Variants in GRIN2A observed in about 807,000 individuals in gnomAD.
The protein encoded by GRIN2A is glutamate ionotropic receptor NMDA type subunit 2A, also known as glutamate receptor ionotropic, NMDA 2A.
Under a neutral mutation model 113.4 loss-of-function variants are expected in GRIN2A, and 22 were observed. That is an observed-to-expected ratio of 0.19 (90% CI 0.14 to 0.28). The LOEUF (loss-of-function observed/expected upper bound fraction) is 0.28. Among genes scored for constraint, GRIN2A ranks in the 10% least tolerant of loss-of-function variants. The pLI, the probability that GRIN2A is intolerant of heterozygous loss-of-function variation, is 1.00. For synonymous variants in GRIN2A, 827 were observed against 738.4 expected (o/e 1.12, Z -1.94); for missense variants, 1,502 against 1,887.0 (o/e 0.80, Z 3.78).
chr16:9,833,118 G>T (rs2042525955), intron 8 of GRIN2A, among the ~76,000 whole-genome samples: 1 of 152,150 alleles, frequency 6.6e-6, no homozygotes, highest in African/African-American at 2.4e-5. Flanking sequence ...TTAGAAGGTA[G>T]TGCCCACTGA....
At chr16:9,807,507 C>CTAA (rs1185729852) in intron 10 of GRIN2A, among the ~76,000 whole-genome samples, 1 of 152,044 alleles carries the variant, frequency 6.6e-6, no homozygotes, top group Non-Finnish European at 1.5e-5. Context: ...CTATTGACTG[C>CTAA]TAATTTCAAA....
In GRIN2A at chr16:9,884,623, C is replaced by T. The variant is rs115828532; in HGVS notation, c.1122+6363G>A. ...ATGGTAACCAGAATTATTCTCAAAG[C>T]ATTTTTTTTCAGGTAGAATAAGTAG... On this transcript the variant is annotated intron_variant, in intron 4 of 12. Coordinates refer to ENST00000330684, the MANE Select transcript of GRIN2A (RefSeq NM_001134407.3). 4.8e-3 allele frequency among the ~76,000 whole-genome samples: 735 copies of T among 151,870 alleles called. 12 individuals carry two copies. The highest frequency in any genetic ancestry group is 0.017 in the African/African-American group (702 of 41,440).
intron 2 of GRIN2A, among the ~76,000 whole-genome samples, chr16:10,076,446 G>A (rs2047874475): frequency 6.6e-6 from 1 of 152,210 alleles, no homozygotes; most frequent in Admixed American, 6.5e-5. Context: ...GCTCAGCAGG[G>A]TTAGGGTCTG....
chr16:10,086,589 G>C (rs1212498072), intron 2 of GRIN2A, among the ~76,000 whole-genome samples: 1 of 145,902 alleles, frequency 6.9e-6, no homozygotes, highest in Non-Finnish European at 1.5e-5. Flanking sequence ...CACCATACCA[G>C]GGGGTGGAGC....
At chr16:9,988,556 C>T (rs1030288261) in intron 2 of GRIN2A, among the ~76,000 whole-genome samples, 2 of 151,966 alleles carry the variant, frequency 1.3e-5, no homozygotes, top group Middle Eastern at 3.2e-3. Flanking sequence ...CTCTCTCTCT[C>T]TCTCTCTAAC....
chr16:9,928,989 C>A (rs908685960), intron 3 of GRIN2A, among the ~76,000 whole-genome samples: 3 of 152,218 alleles, frequency 2.0e-5, no homozygotes, highest in African/African-American at 7.2e-5. Context: ...GCCCACCAGG[C>A]ATCAAAACAA....
In GRIN2A at chr16:9,823,237, T is replaced by C. The variant is rs117289592; in HGVS notation, c.2008-813A>G. The stretch of plus-strand genomic sequence containing the variant: ...TCGAATCAATAGAACTGGATCTGAG[T>C]TCCAGAAATACAGCTAAACACTAGA... On this transcript the variant is annotated intron_variant, in intron 9 of 12. Coordinates refer to ENST00000330684, the MANE Select transcript of GRIN2A (RefSeq NM_001134407.3). 1.3e-4 allele frequency among the ~76,000 whole-genome samples: 20 copies of C among 152,246 alleles called. No individual in the cohort carries two copies. In the East Asian group the frequency reaches 3.5e-3, roughly 27 times the overall value.
chr16:10,103,466 C>T (rs2048438308), intron 2 of GRIN2A, among the ~76,000 whole-genome samples: 1 of 152,234 alleles, frequency 6.6e-6, no homozygotes, highest in African/African-American at 2.4e-5. Flanking sequence ...CCACATATAA[C>T]TCTAACCATC....
At chr16:9,935,874 G>T (rs536357249) in intron 3 of GRIN2A, among the ~76,000 whole-genome samples, 74 of 151,972 alleles carry the variant, frequency 4.9e-4, no homozygotes, top group South Asian at 2.5e-3. Flanking sequence ...GCTAACATTT[G>T]TATTTTTAGT....
chr16:10,010,534 ATGT>A (rs1371855985), intron 2 of GRIN2A, among the ~76,000 whole-genome samples: 4 of 152,228 alleles, frequency 2.6e-5, no homozygotes, highest in Non-Finnish European at 5.9e-5. Flanking sequence ...ACCTGTAAAA[ATGT>A]TGTAAAATTA....
chr16:9,814,108 T>G (rs1167383609), intron 10 of GRIN2A, among the ~76,000 whole-genome samples: 5 of 152,232 alleles, frequency 3.3e-5, no homozygotes, highest in Non-Finnish European at 7.3e-5. Context: ...CTTTTGAGCA[T>G]AGAAATGATA....
intron 2 of GRIN2A, among the ~76,000 whole-genome samples, chr16:9,965,169 T>G (rs1351813673): frequency 6.6e-6 from 1 of 152,192 alleles, no homozygotes; most frequent in Admixed American, 6.5e-5. Context: ...CTAAATACTA[T>G]CAGTTGCATA....
At chr16:9,946,554 C>A (rs2045021999) in intron 2 of GRIN2A, among the ~76,000 whole-genome samples, 1 of 152,094 alleles carries the variant, frequency 6.6e-6, no homozygotes, top group Non-Finnish European at 1.5e-5. Context: ...TTATTCTGAC[C>A]ACTGAGCATC....
intron 2 of GRIN2A, among the ~76,000 whole-genome samples, chr16:9,989,282 C>A (rs1458089820): frequency 6.6e-6 from 1 of 152,086 alleles, no homozygotes; most frequent in Non-Finnish European, 1.5e-5. Flanking sequence ...CAAAAATAAG[C>A]AATGAGGAAA....
chr16:10,066,478 G>C (rs2047651361), intron 2 of GRIN2A, among the ~76,000 whole-genome samples: 1 of 152,166 alleles, frequency 6.6e-6, no homozygotes, highest in African/African-American at 2.4e-5. Flanking sequence ...CAAAATAGCA[G>C]TTCCATACAA....
chr16:9,854,287 GC>G (rs2042932283), intron 4 of GRIN2A, among the ~76,000 whole-genome samples: 2 of 151,996 alleles, frequency 1.3e-5, no homozygotes, highest in South Asian at 4.2e-4. Context: ...TGCAACTTCA[GC>G]CCCCGAGACT....
chr16:9,773,511 G>A (rs1369430914), intron 11 of GRIN2A, among the ~76,000 whole-genome samples: 1 of 152,160 alleles, frequency 6.6e-6, no homozygotes, highest in African/African-American at 2.4e-5. Flanking sequence ...TCCTGAAGCA[G>A]ACTCATTCTT....
Position 10,179,990 on chromosome 16 carries a change from G to T in GRIN2A, c.414+8C>A. ...AGGTCCTGGCAGGGCATCAGTTTCC[G>T]GCCTTACCTTGTCAGCCATGATCAT... On this transcript the variant is annotated splice_region_variant and intron_variant, in intron 2 of 12. Coordinates refer to ENST00000330684, the MANE Select transcript of GRIN2A (RefSeq NM_001134407.3). 6.2e-7 allele frequency: 1 copy of T among 1,611,990 alleles called. No homozygotes were observed. Among genetic ancestry groups the T allele is most frequent in the Non-Finnish European group, 8.5e-7 (1 of 1,178,604 alleles).
intron 4 of GRIN2A, among the ~76,000 whole-genome samples, chr16:9,855,868 C>T (rs1245714961): frequency 6.6e-6 from 1 of 152,142 alleles, no homozygotes; most frequent in Admixed American, 6.5e-5. Flanking sequence ...CAATAGAGCC[C>T]TCTTGGATAG....
Sources: allele counts gnomAD v4.1 joint callset (sites outside exome capture counted in the v4.1 genomes callset), GRCh38; gene constraint gnomAD v4.1.1; transcripts MANE v1.5; gene names NCBI Gene and HGNC (gene_info 2026-07-23, HGNC 2026-07-21).